GLRA2: variants seen among roughly 807,000 people sequenced by gnomAD.
GLRA2 encodes glycine receptor alpha 2.
In GLRA2, 11 loss-of-function variants were observed where a neutral mutation model predicts 31.6. The observed-to-expected ratio is 0.35, with a 90% CI of 0.22 to 0.58. The LOEUF (loss-of-function observed/expected upper bound fraction) is 0.58. Ranked by LOEUF, GLRA2 falls within the 20% of genes least tolerant of loss-of-function variation. The pLI, the probability that GLRA2 is intolerant of heterozygous loss-of-function variation, is 0.84. For missense variants in GLRA2, 212 were observed against 351.8 expected (o/e 0.60, Z 3.18); for synonymous variants, 132 against 134.0 (o/e 0.99, Z 0.10).
chrX:14,475,114 T>G, the GLRA2 span, among the ~76,000 whole-genome samples: 1 of 112,177 alleles, frequency 8.9e-6, no homozygotes, highest in Admixed American at 9.5e-5. Flanking sequence ...GATACCTCTT[T>G]CTACCACTCA....
intron 7 of GLRA2, among the ~76,000 whole-genome samples, chrX:14,658,586 C>T (rs1288297389): frequency 9.0e-6 from 1 of 111,406 alleles, no homozygotes; most frequent in Non-Finnish European, 1.9e-5. Flanking sequence ...TTCCTCGTTT[C>T]CTTCTTTCCT....
chrX:14,514,698 TG>T, the GLRA2 span, among the ~76,000 whole-genome samples: 21 of 111,551 alleles, frequency 1.9e-4, no homozygotes, highest in African/African-American at 6.5e-4. Context: ...ATGTTAATTC[TG>T]GTCAACAATT....
rs73199677 is a variant in GLRA2 at position 14,610,671 on chromosome X, A to G, written c.930+1466A>G. Among the ~76,000 whole-genome samples the G allele has an allele frequency of 9.9e-3, 1,114 of 112,125 alleles. 7 individuals are homozygous for G. Among genetic ancestry groups the G allele is most frequent in the Non-Finnish European group, 0.013 (703 of 53,101 alleles). On this transcript the variant is annotated intron_variant, in intron 7 of 8. Transcript: ENST00000218075. ...GCCATGGCATTAAACCTCAGGATGT[A>G]CAAACATATATTTTACAATTTAATA... is the stretch of plus-strand genomic sequence containing the variant.
the GLRA2 span, among the ~76,000 whole-genome samples, chrX:14,507,426 C>G: frequency 5.4e-5 from 6 of 110,984 alleles, no homozygotes; most frequent in Non-Finnish European, 1.1e-4. Flanking sequence ...CGCTATCTGC[C>G]CCATAAACAG....
chrX:14,522,642 TC>T, the GLRA2 span, among the ~76,000 whole-genome samples: 1 of 112,505 alleles, frequency 8.9e-6, no homozygotes, highest in Admixed American at 9.4e-5. Flanking sequence ...TATTCCTTGA[TC>T]TGTGGACTGC....
the GLRA2 span, among the ~76,000 whole-genome samples, chrX:14,480,563 A>G: frequency 5.4e-5 from 6 of 111,738 alleles, no homozygotes; most frequent in East Asian, 1.4e-3. Context: ...GTCCTGTTTC[A>G]TCCTTCTGCA....
the GLRA2 span, among the ~76,000 whole-genome samples, chrX:14,479,243 T>G: frequency 8.9e-6 from 1 of 112,243 alleles, no homozygotes; most frequent in East Asian, 2.8e-4. Flanking sequence ...CAGAGATAGT[T>G]TGCTCTGTTT....
At chrX:14,659,110 G>C (rs1421557742) in intron 7 of GLRA2, among the ~76,000 whole-genome samples, 4 of 112,180 alleles carry the variant, frequency 3.6e-5, no homozygotes. Flanking sequence ...GCCAAATCCA[G>C]CCCACTACCT....
intron 4 of GLRA2, among the ~76,000 whole-genome samples, chrX:14,593,653 T>C (rs752700590): frequency 8.2e-4 from 92 of 112,756 alleles, no homozygotes; most frequent in Middle Eastern, 4.6e-3. Flanking sequence ...CATTTAACCT[T>C]TCTTTGACCT....
intron 7 of GLRA2, among the ~76,000 whole-genome samples, chrX:14,681,910 A>AAAAAAATATATAT (rs758563376): frequency 7.3e-5 from 3 of 41,280 alleles, no homozygotes; most frequent in African/African-American, 2.4e-4. Context: ...AAAAAAAAAA[A>AAAAAAATATATAT]ATATATATAT....
At chrX:14,665,643 T>TA (rs1401390341) in intron 7 of GLRA2, among the ~76,000 whole-genome samples, 1 of 111,467 alleles carries the variant, frequency 9.0e-6, no homozygotes, top group African/African-American at 3.3e-5. Flanking sequence ...CAGTGGATAA[T>TA]ACAGAAATAG....
chrX:14,561,335 T>G (rs896646332), intron 2 of GLRA2, among the ~76,000 whole-genome samples: 2 of 112,644 alleles, frequency 1.8e-5, no homozygotes, highest in African/African-American at 6.5e-5. Context: ...ATGGAATTTA[T>G]AATAATTCCT....
chrX:14,730,186 C>T, intron 8 of GLRA2, 21 bp from the exon 9 acceptor site: 1 of 1,169,131 alleles, frequency 8.6e-7, no homozygotes, highest in Non-Finnish European at 1.2e-6. Flanking sequence ...ATCTGTGCTT[C>T]CTCTGTCTTT....
chrX:14,478,891 A>G, the GLRA2 span, among the ~76,000 whole-genome samples: 1 of 112,337 alleles, frequency 8.9e-6, no homozygotes, highest in African/African-American at 3.2e-5. Context: ...AGGTGGGCAC[A>G]CATGAATACA....
At chrX:14,649,499 AAAG>A (rs2090867291) in intron 7 of GLRA2, among the ~76,000 whole-genome samples, 1 of 111,768 alleles carries the variant, frequency 8.9e-6, no homozygotes, top group African/African-American at 3.3e-5. Flanking sequence ...TTATGGCTAT[AAAG>A]AAGAAAACAT....
At chrX:14,543,464 C>T (rs747702294) in intron 2 of GLRA2, among the ~76,000 whole-genome samples, 16 of 110,996 alleles carry the variant, frequency 1.4e-4, no homozygotes, top group Non-Finnish European at 2.6e-4. Context: ...GTTGTCTCTA[C>T]CTTATTTCAA....
chrX:14,497,180 G>A, the GLRA2 span, among the ~76,000 whole-genome samples: 1 of 111,496 alleles, frequency 9.0e-6, no homozygotes, highest in African/African-American at 3.3e-5. Context: ...AGAGCCCAAG[G>A]CACTCAAATA....
chrX:14,701,651 A>C (rs780071759), intron 8 of GLRA2, among the ~76,000 whole-genome samples: 1 of 112,721 alleles, frequency 8.9e-6, no homozygotes, highest in South Asian at 3.6e-4. Flanking sequence ...AGTGAAATAA[A>C]TGTAAGCAAT....
chrX:14,479,671 T>A, the GLRA2 span, among the ~76,000 whole-genome samples: 3 of 111,671 alleles, frequency 2.7e-5, no homozygotes, highest in Admixed American at 1.9e-4. Flanking sequence ...TAATGGCCTC[T>A]AGCTGCATCT....
Sources: allele counts gnomAD v4.1 joint callset (sites outside exome capture counted in the v4.1 genomes callset), GRCh38; gene constraint gnomAD v4.1.1; transcripts MANE v1.5; gene names NCBI Gene and HGNC (gene_info 2026-07-23, HGNC 2026-07-21).